STARD8: variants seen among roughly 807,000 people sequenced by gnomAD.
The protein encoded by STARD8 is StAR related lipid transfer domain containing 8.
In STARD8, 25 loss-of-function variants were observed where a neutral mutation model predicts 69.4. That is an observed-to-expected ratio of 0.36 (90% CI 0.26 to 0.50). STARD8 has a LOEUF of 0.50. STARD8 is among the 20% of genes least tolerant of loss of function. The pLI, the probability that STARD8 is intolerant of heterozygous loss-of-function variation, is 0.96. For synonymous variants in STARD8, 389 were observed against 374.6 expected, an observed-to-expected ratio of 1.04 and a Z score of -0.45; for missense variants, 921 against 932.5, an observed-to-expected ratio of 0.99 and a Z score of 0.16.
At position 68,701,175 on chromosome X, in the gene STARD8, G is replaced by T. The variant is rs1449462553; in HGVS notation, c.80-11739G>T. Among the ~76,000 whole-genome samples, 3 of 112,418 alleles carry T rather than the reference G, an allele frequency of 2.7e-5. No individual in the cohort carries two copies. In the East Asian group the frequency reaches 8.3e-4, roughly 31 times the overall value. ...TAGTGGCATTCGCGACACTCAACAG[G>T]CTATAGTAGTGATGGTGACACCAAT... On this transcript the variant is annotated intron_variant, in intron 2 of 14. Transcript: ENST00000374599.
chrX:68,703,259 T>TA (rs1203467928), intron 2 of STARD8, among the ~76,000 whole-genome samples: 1 of 111,826 alleles, frequency 8.9e-6, no homozygotes, highest in Middle Eastern at 4.6e-3. Context: ...GGCCTCATTT[T>TA]AAAAAAAGAA....
chrX:68,660,537 A>G (rs1315783829), intron 1 of STARD8, among the ~76,000 whole-genome samples: 2 of 111,901 alleles, frequency 1.8e-5, no homozygotes, highest in Non-Finnish European at 3.8e-5. Context: ...GCTCCAACTT[A>G]GGACCTGGTG....
At chrX:68,666,483 C>T (rs1471641306) in intron 2 of STARD8, among the ~76,000 whole-genome samples, 1 of 112,134 alleles carries the variant, frequency 8.9e-6, no homozygotes. Context: ...TTGGAAGAGA[C>T]AACCAGAACC....
intron 1 of STARD8, among the ~76,000 whole-genome samples, chrX:68,650,119 G>T (rs754365551): frequency 7.2e-5 from 8 of 111,224 alleles, no homozygotes; most frequent in Non-Finnish European, 1.5e-4. Context: ...ACCCCTGTCA[G>T]CCTCTTGGAA....
intron 1 of STARD8, among the ~76,000 whole-genome samples, chrX:68,653,324 ACACACACCC>A (rs2079583028): frequency 4.3e-5 from 2 of 47,031 alleles, no homozygotes; most frequent in Non-Finnish European, 7.7e-5. Flanking sequence ...CACACCACAC[ACACACACCC>A]CACACACCAC....
intron 2 of STARD8, among the ~76,000 whole-genome samples, chrX:68,685,156 AG>A (rs927564610): frequency 1.8e-5 from 2 of 112,018 alleles, no homozygotes; most frequent in African/African-American, 3.2e-5. Context: ...TGGAGACAGT[AG>A]GGGGGAGGGG....
At chrX:68,678,021 C>T (rs2079777404) in intron 2 of STARD8, among the ~76,000 whole-genome samples, 1 of 111,049 alleles carries the variant, frequency 9.0e-6, no homozygotes, top group Non-Finnish European at 1.9e-5. Context: ...AGAAGGGAAA[C>T]TGAGACCCAG....
rs751380348 is a variant in STARD8 at position 68,720,411 on chromosome X, G to A, written c.2037G>A (p.Gln679=). 10 of 1,176,671 alleles carry A rather than the reference G, an allele frequency of 8.5e-6. No individual in the cohort carries two copies. Among genetic ancestry groups the A allele is most frequent in the African/African-American group, 7.0e-5 (4 of 56,989 alleles). ...IQQAMRYLRS[Q]CLDQVGIFRK... ...AAGCCATGCGCTACTTGCGCAGCCAGTGCCTGGACCAAGTGAGCCCTCGTG... is the reference window on the plus strand; with the variant it reads ...AAGCCATGCGCTACTTGCGCAGCCAATGCCTGGACCAAGTGAGCCCTCGTG... The change falls in exon 8 of 15, where the codon CAG becomes CAA. Residue 679 remains glutamine, a synonymous_variant. Transcript: ENST00000374599.
chrX:68,723,816 A>G lies in STARD8; in HGVS notation c.2990A>G (p.His997Arg). 1 of 1,187,890 alleles carries G rather than the reference A, an allele frequency of 8.4e-7. No homozygotes were observed. Among genetic ancestry groups the G allele is most frequent in the Non-Finnish European group, 1.1e-6 (1 of 883,629 alleles). Residue 997 changes from histidine (H) to arginine (R), a missense_variant, in exon 13 of 15, where the codon CAT becomes CGT. By Grantham distance (29) the His-to-Arg change is conservative. Coordinates refer to ENST00000374599, the MANE Select transcript of STARD8 (RefSeq NM_001142503.3). ...YHYVTDSMAP[H>R]PCRDFVVLRM... is the part of the protein sequence containing the mutation. ...TATGTCACCGACAGCATGGCACCCC[A>G]TCCCTGCCGCGACTTTGTGGTGCTT... is the stretch of plus-strand genomic sequence containing the variant.
At chrX:68,709,531 G>GT (rs1254228496) in intron 2 of STARD8, among the ~76,000 whole-genome samples, 6 of 111,761 alleles carry the variant, frequency 5.4e-5, no homozygotes, top group Non-Finnish European at 1.1e-4. Flanking sequence ...ATGCTGGCTG[G>GT]GTGTGGTGGC....
chrX:68,713,062 G>C (rs2080064278), intron 3 of STARD8, 77 bp downstream of exon 3: 1 of 1,020,275 alleles, frequency 9.8e-7, no homozygotes, highest in Non-Finnish European at 1.3e-6. Flanking sequence ...GGGCAAGTCA[G>C]ATTCTCTTTC....
In STARD8 at chrX:68,717,712, A is replaced by C. The variant is rs779371159; in HGVS notation, c.798A>C (p.Ser266=). 5.0e-6 allele frequency: 6 copies of C among 1,211,920 alleles called. No individual in the cohort carries two copies. Among genetic ancestry groups the C allele is most frequent in the African/African-American group, 3.5e-5 (2 of 57,901 alleles). Residue 266 remains serine (S), a synonymous_variant, in exon 6 of 15, where the codon TCA becomes TCC. Coordinates refer to ENST00000374599, the MANE Select transcript of STARD8 (RefSeq NM_001142503.3). ...GGGCCAAGAACTGGGCCGCCACCTC[A>C]GCCGGTGGCAGTGGTGCCAATACTC... is the stretch of plus-strand genomic sequence containing the variant. ...FYRAKNWAAT[S]AGGSGANTRK...
At chrX:68,650,085 C>T (rs911991921) in intron 1 of STARD8, among the ~76,000 whole-genome samples, 4 of 111,094 alleles carry the variant, frequency 3.6e-5, no homozygotes, top group African/African-American at 6.5e-5. Flanking sequence ...CCCAACTTCT[C>T]AGATGCCCAG....
chrX:68,724,377 C>T lies in STARD8; in HGVS notation c.3267C>T (p.Asp1089=), dbSNP rs994550503. Reference sequence around the variant, plus strand: ...CCATGGAAGTGGCAAAGATCCGGGACTCCTTCCCCACCCTGCAGGCAGCGG... The same window carrying T: ...CCATGGAAGTGGCAAAGATCCGGGATTCCTTCCCCACCCTGCAGGCAGCGG... ...LCAMEVAKIR[D]SFPTLQAAGP... The change falls in exon 15 of 15, where the codon GAC becomes GAT. Residue 1089 remains aspartate (D), a synonymous_variant. Coordinates refer to ENST00000374599, the MANE Select transcript of STARD8 (RefSeq NM_001142503.3). 5 of 1,205,527 alleles carry T rather than the reference C, an allele frequency of 4.1e-6. No individual in the cohort carries two copies. The highest frequency in any genetic ancestry group is 4.5e-6 in the Non-Finnish European group (4 of 892,864).
intron 2 of STARD8, among the ~76,000 whole-genome samples, chrX:68,674,314 AT>A (rs2079750458): frequency 9.2e-6 from 1 of 108,132 alleles, no homozygotes; most frequent in African/African-American, 3.5e-5. Flanking sequence ...AAAAAAAAAA[AT>A]TCACATGAAT....
chrX:68,668,236 CTCTTTCTT>C lies in STARD8; in HGVS notation c.79+2736_79+2743del, dbSNP rs778005383. On this transcript the variant is annotated intron_variant, in intron 2 of 14. Coordinates refer to ENST00000374599, the MANE Select transcript of STARD8 (RefSeq NM_001142503.3). ...CTCCTTCTTCTTTCTCTTTTTTCTCCTCTTTCTTTCTTTCTTTCTTTCTTTCTTTCTTT... is the reference window on the plus strand; with the variant it reads ...CTCCTTCTTCTTTCTCTTTTTTCTCCTCTTTCTTTCTTTCTTTCTTTCTTT... 6.0e-3 allele frequency among the ~76,000 whole-genome samples: 439 copies of C among 73,228 alleles called. 5 individuals carry two copies. Among genetic ancestry groups the C allele is most frequent in the East Asian group, 0.022 (55 of 2,539 alleles). 63.6% of individuals were successfully genotyped at this position (73,228 alleles called of 115,157 possible).
intron 3 of STARD8, among the ~76,000 whole-genome samples, chrX:68,713,511 C>T (rs375333544): frequency 4.5e-5 from 5 of 111,874 alleles, no homozygotes; most frequent in African/African-American, 1.6e-4. Flanking sequence ...CACCAGTGAC[C>T]TCCATGTGGT....
At chrX:68,668,469 G>A (rs2079707786) in intron 2 of STARD8, among the ~76,000 whole-genome samples, 2 of 108,805 alleles carry the variant, frequency 1.8e-5, no homozygotes, top group Admixed American at 1.0e-4. Flanking sequence ...TGGGACTACA[G>A]GGGTGCATCG....
At chrX:68,703,805 C>T (rs1341403115) in intron 2 of STARD8, among the ~76,000 whole-genome samples, 2 of 111,500 alleles carry the variant, frequency 1.8e-5, no homozygotes, top group East Asian at 2.8e-4. Flanking sequence ...CTCAAGTGAA[C>T]GTGGGTGCCC....
Sources: allele counts gnomAD v4.1 joint callset (sites outside exome capture counted in the v4.1 genomes callset), GRCh38; gene constraint gnomAD v4.1.1; transcripts MANE v1.5; gene names NCBI Gene and HGNC (gene_info 2026-07-23, HGNC 2026-07-21).